PDE7B: variants seen among roughly 807,000 people sequenced by gnomAD.
PDE7B encodes 3',5'-cyclic-AMP phosphodiesterase 7B.
In PDE7B, 29 loss-of-function variants were observed where a neutral mutation model predicts 56.2. That is an observed-to-expected ratio of 0.52 (90% CI 0.38 to 0.70). The LOEUF (loss-of-function observed/expected upper bound fraction) is 0.70, where lower values mean the gene tolerates loss of function less well. Among genes scored for constraint, PDE7B ranks in the 30% least tolerant of loss-of-function variants. The pLI is 0.00. For synonymous variants in PDE7B, 197 were observed against 196.9 expected (o/e 1.00, Z 0.00); for missense variants, 490 against 565.0 (o/e 0.87, Z 1.35).
At chr6:135,944,351 C>T (rs751417379) in intron 1 of PDE7B, among the ~76,000 whole-genome samples, 6 of 151,856 alleles carry the variant, frequency 4.0e-5, no homozygotes, top group African/African-American at 7.3e-5. Flanking sequence ...AGCCTGGCAG[C>T]GAAGGCTGGA....
In PDE7B at chr6:136,042,895, G is replaced by T. The variant is rs1464978748; in HGVS notation, c.83-65836G>T. Among the ~76,000 whole-genome samples, 9 of 152,276 alleles carry T rather than the reference G, an allele frequency of 5.9e-5. No individual in the cohort carries two copies. In the East Asian group the frequency reaches 1.5e-3, roughly 26 times the overall value. ...GAGATGAATCAAAAGCTTAATGAAA[G>T]AACAATTGTGGATTTATGAATCAGA... On this transcript the variant is annotated intron_variant, in intron 2 of 12. Transcript: ENST00000308191.
intron 1 of PDE7B, among the ~76,000 whole-genome samples, chr6:135,877,733 C>A (rs1775525408): frequency 6.8e-6 from 1 of 147,614 alleles, no homozygotes. Flanking sequence ...ACACAGACCT[C>A]CAGGAAAACA....
chr6:136,156,972 C>T (rs1013414143), intron 8 of PDE7B, among the ~76,000 whole-genome samples: 4 of 152,122 alleles, frequency 2.6e-5, no homozygotes, highest in Non-Finnish European at 5.9e-5. Context: ...TACTATGACC[C>T]AAACACTGTG....
chr6:136,109,221 AGCTACTTAATTGG>A (rs1315567033), intron 3 of PDE7B, among the ~76,000 whole-genome samples: 1 of 152,180 alleles, frequency 6.6e-6, no homozygotes, highest in African/African-American at 2.4e-5. Context: ...CTGTAGTCCC[AGCTACTTAATTGG>A]GGGCTGAGGT....
intron 1 of PDE7B, among the ~76,000 whole-genome samples, chr6:135,876,272 G>A (rs1050793121): frequency 3.9e-5 from 6 of 152,076 alleles, no homozygotes; most frequent in South Asian, 2.1e-4. Flanking sequence ...AGTGGCCTCC[G>A]CACACACCTG....
At chr6:135,865,035 G>T (rs1775227905) in intron 1 of PDE7B, among the ~76,000 whole-genome samples, 2 of 146,594 alleles carry the variant, frequency 1.4e-5, no homozygotes, top group Admixed American at 7.2e-5. Flanking sequence ...GTGAGAACAT[G>T]CAATGTTTGT....
intron 2 of PDE7B, among the ~76,000 whole-genome samples, chr6:135,963,019 A>G (rs183442233): frequency 9.8e-5 from 15 of 152,308 alleles, no homozygotes; most frequent in Admixed American, 6.5e-4. Flanking sequence ...AGTCTGTTGC[A>G]GTAGGGATGG....
At chr6:136,022,107 T>C (rs1776083343) in intron 2 of PDE7B, among the ~76,000 whole-genome samples, 1 of 152,246 alleles carries the variant, frequency 6.6e-6, no homozygotes, top group Admixed American at 6.5e-5. Context: ...CCGCCAAATC[T>C]CTGCCTGGTT....
At chr6:136,165,266 A>G (rs919221825) in intron 8 of PDE7B, among the ~76,000 whole-genome samples, 2 of 152,210 alleles carry the variant, frequency 1.3e-5, no homozygotes, top group East Asian at 3.9e-4. Context: ...CTCAGAAATA[A>G]GTAGATAAGG....
chr6:135,913,924 C>CT (rs1776252995), intron 1 of PDE7B, among the ~76,000 whole-genome samples: 1 of 152,132 alleles, frequency 6.6e-6, no homozygotes, highest in African/African-American at 2.4e-5. Context: ...AACTATGCCA[C>CT]TTTTTTTCTG....
Position 135,851,962 on chromosome 6 carries a change from C to T in PDE7B, c.-37C>T, listed in dbSNP as rs374854223. On this transcript the variant is annotated 5_prime_UTR_variant, in exon 1 of 13. It adds an upstream start codon to the 5' untranslated region. Transcript: ENST00000308191. ...CAAGCAGCACCGCTCAGAGATTTCA[C>T]GGCATTCAAAGGTCACAGAACTGCC... 2.1e-5 allele frequency: 33 copies of T among 1,560,764 alleles called. No individual in the cohort carries two copies. The highest frequency in any genetic ancestry group is 2.7e-5 in the Non-Finnish European group (30 of 1,132,044).
intron 9 of PDE7B, among the ~76,000 whole-genome samples, chr6:136,177,254 G>A (rs1778992659): frequency 6.6e-6 from 1 of 152,058 alleles, no homozygotes; most frequent in African/African-American, 2.4e-5. Flanking sequence ...CTTGAGGCCA[G>A]GAGTTCGAGA....
chr6:136,122,481 C>T (rs1367688877), intron 3 of PDE7B, among the ~76,000 whole-genome samples: 1 of 152,188 alleles, frequency 6.6e-6, no homozygotes, highest in Non-Finnish European at 1.5e-5. Flanking sequence ...AATCCCCTAA[C>T]CCAACCTTCT....
At chr6:136,071,340 G>A (rs543037815) in intron 2 of PDE7B, 9 of 152,120 alleles carry the variant, frequency 5.9e-5, no homozygotes, top group Non-Finnish European at 1.2e-4. Context: ...AAATTACAGA[G>A]ACTGCCTTGT....
intron 2 of PDE7B, among the ~76,000 whole-genome samples, chr6:136,021,386 T>G (rs1776068003): frequency 6.6e-6 from 1 of 152,222 alleles, no homozygotes; most frequent in Admixed American, 6.5e-5. Context: ...GGCTCACGCC[T>G]GTAATCCCAG....
intron 2 of PDE7B, among the ~76,000 whole-genome samples, chr6:136,062,062 G>A (rs1035636077): frequency 1.8e-4 from 28 of 152,128 alleles, no homozygotes; most frequent in African/African-American, 6.8e-4. Flanking sequence ...AAGCTCTGTG[G>A]GATCGCCAAT....
At chr6:136,148,900 G>A (rs989139048) in intron 4 of PDE7B, among the ~76,000 whole-genome samples, 187 bp from the exon 5 acceptor site, 26 of 152,044 alleles carry the variant, frequency 1.7e-4, no homozygotes, top group Admixed American at 9.8e-4. Flanking sequence ...GTGTTGTGAC[G>A]GTCTTTTTGT....
At chr6:135,980,437 A>C (rs1429077932) in intron 2 of PDE7B, among the ~76,000 whole-genome samples, 2 of 152,020 alleles carry the variant, frequency 1.3e-5, no homozygotes, top group Admixed American at 6.6e-5. Context: ...CAAAATTGAC[A>C]AATGGGATCT....
intron 2 of PDE7B, among the ~76,000 whole-genome samples, chr6:135,975,186 G>A (rs1044642389): frequency 1.3e-5 from 2 of 150,022 alleles, no homozygotes; most frequent in Non-Finnish European, 3.0e-5. Flanking sequence ...TGGAAATTCA[G>A]ATGTCTGTGT....
Sources: allele counts gnomAD v4.1 joint callset (sites outside exome capture counted in the v4.1 genomes callset), GRCh38; gene constraint gnomAD v4.1.1; transcripts MANE v1.5; gene names NCBI Gene and HGNC (gene_info 2026-07-23, HGNC 2026-07-21).